Variants in KDM4C observed in about 807,000 individuals in gnomAD.
KDM4C encodes the protein lysine-specific demethylase 4C.
In KDM4C, 81 loss-of-function variants were observed where a neutral mutation model predicts 129.3. That is an observed-to-expected ratio of 0.63 (90% CI 0.52 to 0.75). The LOEUF is 0.75. Among genes scored for constraint, KDM4C ranks in the 30% least tolerant of loss-of-function variants. The pLI is 0.00. For synonymous variants in KDM4C, 573 were observed against 456.1 expected (o/e 1.26, Z -3.26); for missense variants, 1,457 against 1,304.0 (o/e 1.12, Z -1.81).
intron 4 of KDM4C, among the ~76,000 whole-genome samples, chr9:6,827,775 C>CTAT (rs1287139897): frequency 3.3e-5 from 5 of 152,184 alleles, no homozygotes; most frequent in Non-Finnish European, 7.3e-5. Flanking sequence ...AGAGAGAGAG[C>CTAT]TATTGGCTTG....
intron 4 of KDM4C, among the ~76,000 whole-genome samples, chr9:6,838,945 G>C (rs1217660515): frequency 2.6e-5 from 4 of 152,170 alleles, no homozygotes; most frequent in Admixed American, 2.6e-4. Context: ...ATGGAGAAAA[G>C]ACTATACACT....
intron 4 of KDM4C, among the ~76,000 whole-genome samples, chr9:6,843,565 T>A (rs143545960): frequency 7.2e-5 from 11 of 152,272 alleles, no homozygotes; most frequent in Non-Finnish European, 1.5e-4. Context: ...ACAGTCTTCT[T>A]GTGGCCCAAT....
At chr9:6,725,981 C>G (rs1190219400) in intron 1 of KDM4C, among the ~76,000 whole-genome samples, 2 of 150,528 alleles carry the variant, frequency 1.3e-5, no homozygotes, top group African/African-American at 4.9e-5. Context: ...GGCTGGAGTG[C>G]AGTGGCGCGA....
intron 12 of KDM4C, among the ~76,000 whole-genome samples, chr9:6,998,040 G>A (rs1820081039): frequency 6.6e-6 from 1 of 152,128 alleles, no homozygotes; most frequent in Non-Finnish European, 1.5e-5. Context: ...CTGGTTTTGG[G>A]TCTGATTTTC....
At chr9:6,901,147 G>A in intron 8 of KDM4C, among the ~76,000 whole-genome samples, 1 of 152,122 alleles carries the variant, frequency 6.6e-6, no homozygotes, top group East Asian at 1.9e-4. Flanking sequence ...GAAAGCAGTG[G>A]GCAGAACATG....
At chr9:7,017,814 A>T (rs971616952) in intron 15 of KDM4C, among the ~76,000 whole-genome samples, 5 of 152,232 alleles carry the variant, frequency 3.3e-5, no homozygotes. Context: ...AATATAAAGA[A>T]TACGCCTTAT....
Position 6,793,000 on chromosome 9 carries a change from C to A in KDM4C, c.12C>A (p.Ala4=), listed in dbSNP as rs762052381. 1 of 1,614,074 alleles carries A rather than the reference C, an allele frequency of 6.2e-7. No individual in the cohort carries two copies. The change falls in exon 2 of 22, where the codon GCC becomes GCA. Residue 4 remains alanine (A), a synonymous_variant. Transcript: ENST00000381309. MEV[A]EVESPLNPSC... is the part of the protein sequence containing the mutation. Reference sequence around the variant, plus strand: ...CTGCCCTAACCATCATGGAGGTGGCCGAGGTGGAAAGTCCTCTGAACCCCA... The same window carrying A: ...CTGCCCTAACCATCATGGAGGTGGCAGAGGTGGAAAGTCCTCTGAACCCCA...
chr9:6,844,760 T>C (rs1251100362), intron 4 of KDM4C, among the ~76,000 whole-genome samples: 4 of 152,156 alleles, frequency 2.6e-5, no homozygotes, highest in Non-Finnish European at 5.9e-5. Flanking sequence ...TGATCTCTGC[T>C]CACCACAACC....
chr9:6,907,559 CT>C (rs1177041874), intron 8 of KDM4C, among the ~76,000 whole-genome samples: 2 of 152,080 alleles, frequency 1.3e-5, no homozygotes, highest in Non-Finnish European at 2.9e-5. Context: ...GTAGCCAAAA[CT>C]TTAGGGGAAG....
At chr9:7,151,653 T>G (rs1842739720) in intron 19 of KDM4C, among the ~76,000 whole-genome samples, 1 of 152,182 alleles carries the variant, frequency 6.6e-6, no homozygotes, top group Non-Finnish European at 1.5e-5. Context: ...CACTCCGGCC[T>G]GGGCGACAGG....
At chr9:6,823,145 G>A (rs1281134336) in intron 4 of KDM4C, among the ~76,000 whole-genome samples, 1 of 152,200 alleles carries the variant, frequency 6.6e-6, no homozygotes, top group Non-Finnish European at 1.5e-5. Context: ...TGTATTGTGT[G>A]TATTCAAGTC....
At chr9:6,930,824 C>T (rs1675289989) in intron 8 of KDM4C, among the ~76,000 whole-genome samples, 1 of 151,576 alleles carries the variant, frequency 6.6e-6, no homozygotes, top group Non-Finnish European at 1.5e-5. Flanking sequence ...AAAAGAGTAA[C>T]ACCCCCTAAT....
chr9:7,046,372 A>C (rs1829395410), intron 15 of KDM4C, among the ~76,000 whole-genome samples: 1 of 151,978 alleles, frequency 6.6e-6, no homozygotes, highest in South Asian at 2.1e-4. Context: ...TACTTTGGTG[A>C]AAAGAGTATC....
At chr9:6,769,591 G>GCA (rs1821339299) in intron 1 of KDM4C, among the ~76,000 whole-genome samples, 1 of 152,026 alleles carries the variant, frequency 6.6e-6, no homozygotes, top group Non-Finnish European at 1.5e-5. Context: ...ATATGTTAAA[G>GCA]CACAGTAAAG....
intron 1 of KDM4C, among the ~76,000 whole-genome samples, chr9:6,786,094 G>C (rs890094024): frequency 7.9e-5 from 12 of 152,064 alleles, no homozygotes; most frequent in Non-Finnish European, 1.5e-4. Context: ...CACAATGAGA[G>C]CTGTCAGTTT....
At chr9:6,822,432 A>G (rs1833188202) in intron 4 of KDM4C, among the ~76,000 whole-genome samples, 1 of 152,222 alleles carries the variant, frequency 6.6e-6, no homozygotes, top group Admixed American at 6.5e-5. Flanking sequence ...ATAATTGACT[A>G]CATTGATTCA....
intron 8 of KDM4C, among the ~76,000 whole-genome samples, chr9:6,895,292 A>G (rs1190018725): frequency 6.6e-6 from 1 of 152,130 alleles, no homozygotes; most frequent in African/African-American, 2.4e-5. Flanking sequence ...TCTTACTGAG[A>G]CTCTGGGGAA....
chr9:6,943,534 G>A (rs1342748642), intron 8 of KDM4C, among the ~76,000 whole-genome samples: 1 of 152,076 alleles, frequency 6.6e-6, no homozygotes, highest in Non-Finnish European at 1.5e-5. Context: ...CGTTAGCTGA[G>A]CATGGTGGCG....
rs753670348 is a variant in KDM4C, at chr9:6,770,767, CTTTTTTTTTT to C, written c.-18+12575_-18+12584del. On this transcript the variant is annotated intron_variant, in intron 1 of 21. Coordinates refer to ENST00000381309, the MANE Select transcript of KDM4C (RefSeq NM_015061.6). ...GTATATGGTTTTTGCGATTTTGATC[CTTTTTTTTTT>C]TTTTTTTTTTCCTTTTGAGATGGAA... Among the ~76,000 whole-genome samples, 24 of 81,748 alleles carry C rather than the reference CTTTTTTTTTT, an allele frequency of 2.9e-4. 1 individual carries two copies. The highest frequency in any genetic ancestry group is 7.8e-4 in the African/African-American group (16 of 20,480). The allele number at this position is 81,748 out of a possible 152,430, so 53.6% of individuals were successfully genotyped here.
Sources: gnomAD v4.1 joint callset for allele counts (sites outside exome capture counted in the v4.1 genomes callset) on GRCh38, gnomAD v4.1.1 for gene constraint, MANE v1.5 for transcripts, NCBI Gene and HGNC (gene_info 2026-07-23, HGNC 2026-07-21) for gene names.